The following SLFN12L variants were observed in gnomAD, a reference collection of about 807,000 sequenced individuals.
The protein encoded by SLFN12L is schlafen family member 12-like.
Under a neutral mutation model 34.8 loss-of-function variants are expected in SLFN12L, and 34 were observed. The observed-to-expected ratio is 0.98, with a 90% confidence interval of 0.74 to 1.30. SLFN12L has a LOEUF of 1.30. SLFN12L is among the 50% of genes most tolerant of loss of function. SLFN12L has a pLI of 0.00. For missense variants in SLFN12L, 703 were observed against 696.2 expected (o/e 1.01, Z -0.11); for synonymous variants, 259 against 247.5 (o/e 1.05, Z -0.44).
At chr17:35,490,293 G>A (rs1914782978) in intron 2 of SLFN12L, 13 of 1,478,938 alleles carry the variant, frequency 8.8e-6, no homozygotes, top group Non-Finnish European at 9.4e-7. Flanking sequence ...GGCAAAGGAA[G>A]AGCTGCACTA....
chr17:35,499,984 TATC>T (rs1915232833), intron 2 of SLFN12L: 1 of 153,060 alleles, frequency 6.5e-6, no homozygotes, highest in African/African-American at 2.4e-5. Flanking sequence ...ATTTTTGTCT[TATC>T]ACCACTGAAA....
At chr17:35,475,912 C>CATAT (rs57543961) in intron 4 of SLFN12L, among the ~76,000 whole-genome samples, 28 of 146,194 alleles carry the variant, frequency 1.9e-4, no homozygotes, top group African/African-American at 3.3e-4. Flanking sequence ...AAAAATTCTA[C>CATAT]ATATATATAT....
At chr17:35,482,725 C>G (rs565184153) in intron 2 of SLFN12L, among the ~76,000 whole-genome samples, 1 of 152,148 alleles carries the variant, frequency 6.6e-6, no homozygotes, top group Admixed American at 6.5e-5. Context: ...GGCCAAACTC[C>G]GGAGACATAA....
chr17:35,488,519 G>A (rs959924137), intron 2 of SLFN12L, among the ~76,000 whole-genome samples: 2 of 152,164 alleles, frequency 1.3e-5, no homozygotes, highest in African/African-American at 4.8e-5. Flanking sequence ...CTTTCGTGGG[G>A]CCCTTGTTAT....
intron 2 of SLFN12L, among the ~76,000 whole-genome samples, chr17:35,503,662 A>G (rs2142152741): frequency 6.6e-6 from 1 of 152,312 alleles, no homozygotes; most frequent in African/African-American, 2.4e-5. Context: ...ATTTAAAACA[A>G]AAGGTCAATT....
At position 35,475,254 on chromosome 17, in the gene SLFN12L, A is replaced by C. The variant is rs747816065; in HGVS notation, c.1508T>G (p.Met503Arg). 1 of 1,614,160 alleles carries C rather than the reference A, an allele frequency of 6.2e-7. No individual in the cohort carries two copies. Among genetic ancestry groups the C allele is most frequent in the Admixed American group, 1.7e-5 (1 of 60,014 alleles). Reference protein sequence around the residue: ...DKPPVLYTFHMVQDEEFKDYS... With the variant: ...DKPPVLYTFHRVQDEEFKDYS... ...GTCTTTAAACTCCTCATCCTGTACCATGTGGAAGGTGTATAGGACTGGAGG... is the reference window on the plus strand; with the variant it reads ...GTCTTTAAACTCCTCATCCTGTACCCTGTGGAAGGTGTATAGGACTGGAGG... Residue 503 changes from methionine (M) to arginine (R), a missense_variant, in exon 5 of 5, where the codon ATG becomes AGG. Coordinates refer to ENST00000628453, the MANE Select transcript of SLFN12L (RefSeq NM_001363830.2).
chr17:35,508,171 C>T (rs2142156174), intron 2 of SLFN12L, among the ~76,000 whole-genome samples: 1 of 152,304 alleles, frequency 6.6e-6, no homozygotes, highest in South Asian at 2.1e-4. Context: ...TCATGTACCG[C>T]CTGCTTGCTC....
chr17:35,480,398 C>T (rs904201246), intron 2 of SLFN12L: 3 of 454,988 alleles, frequency 6.6e-6, no homozygotes, highest in Admixed American at 3.9e-5. Context: ...TTTGTTACAA[C>T]TGTTTTATAC....
rs1913794582 is a variant in SLFN12L at position 35,470,805 on chromosome 17, C to G, written c.*4118G>C. ...ATTGACCCATCCTCTGAGTTCCCTC[C>G]CCTCACTCTCCCCACCCCACAACAG... On this transcript the variant is annotated 3_prime_UTR_variant, in exon 5 of 5. Coordinates refer to ENST00000628453, the MANE Select transcript of SLFN12L (RefSeq NM_001363830.2). Among the ~76,000 whole-genome samples the G allele has an allele frequency of 2.0e-5, 3 of 151,964 alleles. No homozygotes were observed. In the South Asian group the frequency reaches 6.2e-4, roughly 32 times the overall value.
In SLFN12L at chr17:35,480,120, A is replaced by T; in HGVS notation, c.162T>A (p.Ala54=). 6.2e-7 allele frequency: 1 copy of T among 1,613,836 alleles called. No homozygotes were observed. The highest frequency in any genetic ancestry group is 8.5e-7 in the Non-Finnish European group (1 of 1,179,932). The change falls in exon 3 of 5, where the codon GCT becomes GCA. Residue 54 remains alanine (A), a synonymous_variant. Transcript: ENST00000628453. ...NISIDLDTNY[A]ELVLNVGRVT... ...CTCTTCCCACATTTAGAACCAGCTC[A>T]GCATAGTTTGTGTCTAAATCAATAC...
intron 2 of SLFN12L, among the ~76,000 whole-genome samples, chr17:35,505,124 G>A (rs1350001141): frequency 2.6e-5 from 4 of 152,100 alleles, no homozygotes; most frequent in Admixed American, 2.0e-4. Flanking sequence ...TCAATATTTC[G>A]GTGGGTGACA....
chr17:35,537,044 C>T (rs536378999), intron 1 of SLFN12L, among the ~76,000 whole-genome samples: 11 of 151,964 alleles, frequency 7.2e-5, no homozygotes, highest in Admixed American at 2.0e-4. Context: ...GGCACCCTCA[C>T]GCTCAGTGCC....
At position 35,474,689 on chromosome 17, in the gene SLFN12L, G is replaced by GT. The variant is rs201323091; in HGVS notation, c.*233_*234insA. 23 of 320,212 alleles carry GT rather than the reference G, an allele frequency of 7.2e-5. No homozygotes were observed. Among genetic ancestry groups the GT allele is most frequent in the Middle Eastern group, 9.0e-4 (1 of 1,114 alleles). The allele number at this position is 320,212 out of a possible 1,614,324, so 19.8% of individuals were successfully genotyped here. ...GTACTCCTAGCACTTTGGGAGACCGGGGGGGGGGGTTGAATCACGAGGTCA... is the reference window on the plus strand; with the variant it reads ...GTACTCCTAGCACTTTGGGAGACCGGTGGGGGGGGGTTGAATCACGAGGTCA... On this transcript the variant is annotated 3_prime_UTR_variant, in exon 5 of 5. Coordinates refer to ENST00000628453, the MANE Select transcript of SLFN12L (RefSeq NM_001363830.2).
At chr17:35,495,935 AC>A (rs1915049160) in intron 2 of SLFN12L, among the ~76,000 whole-genome samples, 3 of 150,544 alleles carry the variant, frequency 2.0e-5, no homozygotes, top group South Asian at 2.1e-4. Context: ...ACACACACAC[AC>A]ACACACACAC....
At chr17:35,500,337 A>C (rs866424891) in intron 2 of SLFN12L, 3 of 152,208 alleles carry the variant, frequency 2.0e-5, no homozygotes, top group Non-Finnish European at 4.4e-5. Flanking sequence ...TCTTATGCCA[A>C]TTTCTGCCTC....
chr17:35,498,764 C>A, intron 2 of SLFN12L: 1 of 1,099,860 alleles, frequency 9.1e-7, no homozygotes, highest in Non-Finnish European at 1.3e-6. Flanking sequence ...AAAGTGACAG[C>A]TATACTGCCC....
chr17:35,487,972 G>T (rs1464475928), intron 2 of SLFN12L: 14 of 679,222 alleles, frequency 2.1e-5, no homozygotes, highest in Non-Finnish European at 3.5e-5. Flanking sequence ...ACTTTGGGAG[G>T]CTGAGGAGGG....
chr17:35,536,781 C>A (rs186168253), intron 1 of SLFN12L, among the ~76,000 whole-genome samples: 1 of 151,612 alleles, frequency 6.6e-6, no homozygotes, highest in Admixed American at 6.6e-5. Flanking sequence ...TGCACTCCAG[C>A]CTGGGTGACA....
chr17:35,498,682 G>T, intron 2 of SLFN12L: 1 of 1,589,158 alleles, frequency 6.3e-7, no homozygotes, highest in South Asian at 1.2e-5. Flanking sequence ...TTCAAGCTTC[G>T]AGCATTCCTA....
Sources: gnomAD v4.1 joint callset for allele counts (sites outside exome capture counted in the v4.1 genomes callset) on GRCh38, gnomAD v4.1.1 for gene constraint, MANE v1.5 for transcripts, NCBI Gene and HGNC (gene_info 2026-07-23, HGNC 2026-07-21) for gene names.